The following OPRM1 variants were observed in gnomAD, a reference collection of about 807,000 sequenced individuals.
The protein encoded by OPRM1 is opioid receptor mu 1, also known as mu-type opioid receptor.
In OPRM1, 27 loss-of-function variants were observed where a neutral mutation model predicts 31.8. The observed-to-expected ratio is 0.85, with a 90% CI of 0.63 to 1.17. The LOEUF is 1.17. OPRM1 is among the 50% of genes most tolerant of loss of function. OPRM1 has a pLI of 0.00. For missense variants in OPRM1, 536 were observed against 511.1 expected (o/e 1.05, Z -0.47); for synonymous variants, 196 against 189.9 (o/e 1.03, Z -0.26).
At chr6:154,081,780 A>C (rs1383704074) in intron 1 of OPRM1, among the ~76,000 whole-genome samples, 1 of 152,218 alleles carries the variant, frequency 6.6e-6, no homozygotes, top group East Asian at 1.9e-4. Context: ...CGTGGCCCAC[A>C]ATACAGGCTA....
intron 3 of OPRM1, among the ~76,000 whole-genome samples, chr6:154,244,752 T>C (rs367728728): frequency 6.6e-6 from 1 of 152,234 alleles, no homozygotes; most frequent in South Asian, 2.1e-4. Flanking sequence ...CTTTAAATTC[T>C]ATGAAGACAG....
At chr6:154,062,482 A>G (rs1218132715) in intron 1 of OPRM1, among the ~76,000 whole-genome samples, 1 of 152,086 alleles carries the variant, frequency 6.6e-6, no homozygotes, top group Non-Finnish European at 1.5e-5. Context: ...TTACTGGTTT[A>G]TTCATGAATC....
intron 3 of OPRM1, among the ~76,000 whole-genome samples, chr6:154,232,143 G>A (rs1779772094): frequency 6.6e-6 from 1 of 151,968 alleles, no homozygotes; most frequent in Non-Finnish European, 1.5e-5. Flanking sequence ...CAACTCATCT[G>A]CCCCTTCCTT....
intron 1 of OPRM1, among the ~76,000 whole-genome samples, chr6:154,071,803 CTTAATG>C (rs1342307267): frequency 1.3e-5 from 2 of 152,136 alleles, no homozygotes; most frequent in African/African-American, 4.8e-5. Context: ...GCAGTGGTTA[CTTAATG>C]TTAACCAGGA....
At chr6:154,050,990 G>T (rs17174680) in intron 1 of OPRM1, among the ~76,000 whole-genome samples, 2 of 152,118 alleles carry the variant, frequency 1.3e-5, no homozygotes. Flanking sequence ...ATTGATTCCT[G>T]TATATTTCTA....
rs979199983 is a variant in OPRM1, at chr6:154,129,710, C to T, written c.*10989C>T. 2.0e-5 allele frequency among the ~76,000 whole-genome samples: 3 copies of T among 152,048 alleles called. No homozygotes were observed. Among genetic ancestry groups the T allele is most frequent in the Admixed American group, 6.6e-5 (1 of 15,258 alleles). Reference sequence around the variant, plus strand: ...GTTCAAGGTCTGATGAGCTCCCAGACTGTTGGGGATTGCTCTACAGCTGCT... The same window carrying T: ...GTTCAAGGTCTGATGAGCTCCCAGATTGTTGGGGATTGCTCTACAGCTGCT... On this transcript the variant is annotated 3_prime_UTR_variant, in exon 4 of 4. Transcript: ENST00000330432.
At chr6:154,219,669 G>A (rs1798220885) in intron 3 of OPRM1, among the ~76,000 whole-genome samples, 1 of 152,048 alleles carries the variant, frequency 6.6e-6, no homozygotes, top group South Asian at 2.1e-4. Context: ...TCTTTGATGT[G>A]GAGATTTTAA....
chr6:154,100,106 T>TCATA lies in OPRM1; in HGVS notation c.1164+8634_1164+8635insCATA, dbSNP rs11460604. 1.3e-3 allele frequency among the ~76,000 whole-genome samples: 29 copies of TCATA among 22,400 alleles called. 7 individuals are homozygous for TCATA. The highest frequency in any genetic ancestry group is 1.8e-3 in the African/African-American group (14 of 7,580). The allele number at this position is 22,400 out of a possible 152,430, so 14.7% of individuals were successfully genotyped here. On this transcript the variant is annotated intron_variant, in intron 3 of 3. Coordinates refer to ENST00000330432, the MANE Select transcript of OPRM1 (RefSeq NM_000914.5). ...TTATATATTATCATATTATGATATA[T>TCATA]ATATTATATATTATCATATTATGAC...
At chr6:154,038,453 A>C (rs1779452188), upstream of OPRM1, among the ~76,000 whole-genome samples, 1 of 152,230 alleles carries the variant, frequency 6.6e-6, no homozygotes, top group South Asian at 2.1e-4. Flanking sequence ...ATCTTGTTGT[A>C]GGCCACTCTA....
chr6:154,091,559 A>G, intron 3 of OPRM1, 87 bp downstream of exon 3: 11 of 1,482,152 alleles, frequency 7.4e-6, no homozygotes, highest in Non-Finnish European at 9.8e-6. Flanking sequence ...TTAATCCATT[A>G]TAGAGGATGA....
At chr6:154,056,656 A>C (rs891710558) in intron 1 of OPRM1, among the ~76,000 whole-genome samples, 1 of 151,902 alleles carries the variant, frequency 6.6e-6, no homozygotes, top group Non-Finnish European at 1.5e-5. Context: ...TGTGGGAACA[A>C]GGAGATCAAT....
chr6:154,243,946 G>T (rs1780808208), intron 3 of OPRM1, among the ~76,000 whole-genome samples: 1 of 152,196 alleles, frequency 6.6e-6, no homozygotes. Flanking sequence ...TTGGCCTAGA[G>T]TAGACACTAA....
At chr6:154,043,111 G>A (rs1372299386) in intron 1 of OPRM1, among the ~76,000 whole-genome samples, 1 of 152,162 alleles carries the variant, frequency 6.6e-6, no homozygotes, top group Non-Finnish European at 1.5e-5. Context: ...AACATGGTAT[G>A]TACAGACACT....
At chr6:154,142,562 C>T (rs191402245) in intron 3 of OPRM1, among the ~76,000 whole-genome samples, 57 of 152,272 alleles carry the variant, frequency 3.7e-4, no homozygotes, top group African/African-American at 1.3e-3. Flanking sequence ...GGGCACTAGA[C>T]TCCAGTAGTC....
chr6:154,195,571 C>T (rs184952713), intron 3 of OPRM1, among the ~76,000 whole-genome samples: 2 of 152,284 alleles, frequency 1.3e-5, no homozygotes, highest in Non-Finnish European at 1.5e-5. Flanking sequence ...TCCTTTCCAT[C>T]CCCTTTACCC....
chr6:154,165,338 C>T (rs1395869970), intron 3 of OPRM1, among the ~76,000 whole-genome samples: 1 of 152,198 alleles, frequency 6.6e-6, no homozygotes, highest in Non-Finnish European at 1.5e-5. Flanking sequence ...CTCTTGACTG[C>T]TTTGAATTTT....
intron 3 of OPRM1, among the ~76,000 whole-genome samples, chr6:154,218,274 G>A (rs960935350): frequency 1.3e-5 from 2 of 152,192 alleles, no homozygotes; most frequent in African/African-American, 4.8e-5. Context: ...CAAAACAAGA[G>A]CATTCTTCCC....
intron 3 of OPRM1, among the ~76,000 whole-genome samples, chr6:154,185,424 G>A (rs140555274): frequency 1.5e-3 from 229 of 152,300 alleles, no homozygotes; most frequent in African/African-American, 5.1e-3. Context: ...AGTTTAGATT[G>A]TGACTGTTCA....
chr6:154,015,207 C>G (rs1056842842), intron 1 of OPRM1, among the ~76,000 whole-genome samples: 1 of 151,962 alleles, frequency 6.6e-6, no homozygotes, highest in Admixed American at 6.6e-5. Context: ...GGAAAAAAAG[C>G]AAACATATGG....
Sources: gnomAD v4.1 joint callset for allele counts (sites outside exome capture counted in the v4.1 genomes callset) on GRCh38, gnomAD v4.1.1 for gene constraint, MANE v1.5 for transcripts, NCBI Gene and HGNC (gene_info 2026-07-23, HGNC 2026-07-21) for gene names.